Variants in PCLO observed in about 807,000 individuals in gnomAD.
PCLO encodes protein piccolo.
PCLO carries 82 observed loss-of-function variants against 427.5 expected under a neutral mutation model. The observed-to-expected ratio is 0.19, with a 90% confidence interval of 0.16 to 0.23. PCLO has a LOEUF of 0.23. Among genes scored for constraint, PCLO ranks in the 10% least tolerant of loss-of-function variants. The probability of loss-of-function intolerance (pLI) is 1.00; values close to 1 mark genes in which losing one functional copy is unlikely to be tolerated. For missense variants in PCLO, 6,239 were observed against 6,115.9 expected, an observed-to-expected ratio of 1.02 and a Z score of -0.67; for synonymous variants, 2,357 against 2,155.4, an observed-to-expected ratio of 1.09 and a Z score of -2.59.
chr7:83,023,468 T>C (rs960897676), intron 3 of PCLO, among the ~76,000 whole-genome samples: 1 of 152,176 alleles, frequency 6.6e-6, no homozygotes, highest in Non-Finnish European at 1.5e-5. Flanking sequence ...CTGATGTACA[T>C]TGCCAAGTAT....
intron 3 of PCLO, among the ~76,000 whole-genome samples, chr7:83,097,605 CTGT>C (rs1447967592): frequency 2.1e-5 from 3 of 141,126 alleles, no homozygotes; most frequent in Non-Finnish European, 4.5e-5. Context: ...GCTTACTCCT[CTGT>C]TTTTTCACGT....
At chr7:82,806,709 C>T (rs1791466212) in intron 20 of PCLO, among the ~76,000 whole-genome samples, 1 of 152,194 alleles carries the variant, frequency 6.6e-6, no homozygotes, top group Non-Finnish European at 1.5e-5. Flanking sequence ...CTGGTTTTGA[C>T]TCCCAACCCA....
intron 22 of PCLO, among the ~76,000 whole-genome samples, chr7:82,773,719 C>T (rs1465186215): frequency 6.6e-6 from 1 of 150,476 alleles, no homozygotes; most frequent in Non-Finnish European, 1.5e-5. Flanking sequence ...TCCACTTGTG[C>T]TATTCTTTTT....
intron 6 of PCLO, among the ~76,000 whole-genome samples, chr7:82,919,400 GGCTGGCTCCAGAATATT>G (rs1794544666): frequency 6.6e-6 from 1 of 151,946 alleles, no homozygotes; most frequent in Admixed American, 6.6e-5. Flanking sequence ...CATCTGTCAA[GGCTGGCTCCAGAATATT>G]GCTGCCATGA....
chr7:83,059,940 G>A (rs1789502627), intron 3 of PCLO, among the ~76,000 whole-genome samples: 1 of 152,138 alleles, frequency 6.6e-6, no homozygotes, highest in South Asian at 2.1e-4. Flanking sequence ...AGCATTTTTT[G>A]AGTGGAATAC....
chr7:82,761,321 A>G, intron 23 of PCLO, 38 bp downstream of exon 23: 3 of 1,218,614 alleles, frequency 2.5e-6, no homozygotes, highest in Non-Finnish European at 3.4e-6. Flanking sequence ...TCCCTAAAAA[A>G]ATCTAGATAT....
At chr7:82,835,170 T>C (rs1289897224) in intron 16 of PCLO, among the ~76,000 whole-genome samples, 1 of 152,064 alleles carries the variant, frequency 6.6e-6, no homozygotes, top group African/African-American at 2.4e-5. Context: ...GGTCTCGATC[T>C]CCTGACCTTG....
intron 3 of PCLO, among the ~76,000 whole-genome samples, chr7:83,050,872 C>A (rs147552773): frequency 0.011 from 1,643 of 152,088 alleles, 37 homozygotes; most frequent in African/African-American, 0.038. Context: ...GAGATTGCAC[C>A]ACTGCACTCC....
At chr7:82,993,267 A>G (rs1445995583) in intron 3 of PCLO, among the ~76,000 whole-genome samples, 1 of 152,018 alleles carries the variant, frequency 6.6e-6, no homozygotes, top group Non-Finnish European at 1.5e-5. Context: ...AATGCAATAT[A>G]TTTCTATAGA....
chr7:82,901,237 T>A (rs1794031398), intron 9 of PCLO, among the ~76,000 whole-genome samples: 2 of 151,870 alleles, frequency 1.3e-5, no homozygotes, highest in African/African-American at 2.4e-5. Flanking sequence ...ATCCTACTTA[T>A]TTTTTTACAT....
intron 12 of PCLO, 65 bp from the exon 13 acceptor site, chr7:82,845,550 A>G (rs1440740616): frequency 9.2e-7 from 1 of 1,088,100 alleles, no homozygotes; most frequent in African/African-American, 1.6e-5. Context: ...CCATGGAACT[A>G]TGTGAGTTCT....
At chr7:83,077,256 T>C (rs1789978819) in intron 3 of PCLO, among the ~76,000 whole-genome samples, 2 of 152,132 alleles carry the variant, frequency 1.3e-5, no homozygotes, top group Admixed American at 1.3e-4. Context: ...TGCTCTATTG[T>C]TACCTCTTCT....
chr7:83,080,184 G>A (rs370332468), intron 3 of PCLO, among the ~76,000 whole-genome samples: 5 of 151,990 alleles, frequency 3.3e-5, no homozygotes, highest in African/African-American at 7.2e-5. Context: ...ATGAACATAC[G>A]CATGCATGCA....
intron 6 of PCLO, among the ~76,000 whole-genome samples, chr7:82,931,428 G>C (rs976001160): frequency 9.9e-5 from 15 of 152,116 alleles, no homozygotes; most frequent in African/African-American, 3.6e-4. Context: ...TACATTTTCT[G>C]TGGGTCAGCA....
intron 21 of PCLO, among the ~76,000 whole-genome samples, chr7:82,801,858 T>A (rs1469511822): frequency 6.6e-6 from 1 of 152,114 alleles, no homozygotes; most frequent in African/African-American, 2.4e-5. Context: ...GTAGTTTTTA[T>A]TTGTAGACTA....
In PCLO at chr7:82,879,344, A is replaced by T. The variant is rs1417720283; in HGVS notation, c.13647T>A (p.Leu4549=). 1 of 1,608,946 alleles carries T rather than the reference A, an allele frequency of 6.2e-7. No homozygotes were observed. Among genetic ancestry groups the T allele is most frequent in the South Asian group, 1.1e-5 (1 of 90,088 alleles). The change falls in exon 10 of 25, where the codon CTT becomes CTA. Residue 4549 remains leucine, a synonymous_variant. Transcript: ENST00000333891. Reference sequence around the variant, plus strand: ...AAAATTCCTTATTCTTACCTTCCATAAGCTTCCCCGTCTGTTCCGCACTTC... The same window carrying T: ...AAAATTCCTTATTCTTACCTTCCATTAGCTTCCCCGTCTGTTCCGCACTTC... ...PGGSAEQTGK[L]MEGMQVLEWN... is the part of the protein sequence containing the mutation.
At chr7:82,766,264 A>T (rs1171575699) in intron 22 of PCLO, among the ~76,000 whole-genome samples, 1 of 152,052 alleles carries the variant, frequency 6.6e-6, no homozygotes, top group African/African-American at 2.4e-5. Context: ...ATGCCTCCCC[A>T]TTACTGGAGC....
chr7:83,109,020 T>C (rs1584035834), intron 3 of PCLO, among the ~76,000 whole-genome samples: 1 of 151,784 alleles, frequency 6.6e-6, no homozygotes, highest in East Asian at 1.9e-4. Context: ...GTTTGGACTC[T>C]TACCTAATTT....
At chr7:82,999,509 T>A (rs1787733134) in intron 3 of PCLO, among the ~76,000 whole-genome samples, 1 of 51,854 alleles carries the variant, frequency 1.9e-5, no homozygotes, top group South Asian at 7.0e-4. Flanking sequence ...AATATTATAT[T>A]AAAATATAAA....
Sources: allele counts gnomAD v4.1 joint callset (sites outside exome capture counted in the v4.1 genomes callset), GRCh38; gene constraint gnomAD v4.1.1; transcripts MANE v1.5; gene names NCBI Gene and HGNC (gene_info 2026-07-23, HGNC 2026-07-21).